The following PKHD1 variants were observed in gnomAD, a reference collection of about 807,000 sequenced individuals.
PKHD1 encodes fibrocystin.
Under a neutral mutation model 412.0 loss-of-function variants are expected in PKHD1, and 291 were observed. The observed-to-expected ratio is 0.71, with a 90% CI of 0.64 to 0.78. The LOEUF is 0.78. Among genes scored for constraint, PKHD1 ranks in the 30% least tolerant of loss-of-function variants. The probability of loss-of-function intolerance (pLI) is 0.00; values close to 1 mark genes in which losing one functional copy is unlikely to be tolerated. For missense variants in PKHD1, 4,825 were observed against 4,950.7 expected (o/e 0.97, Z 0.76); for synonymous variants, 1,777 against 1,821.5 (o/e 0.98, Z 0.62).
chr6:51,775,849 C>G lies in PKHD1; in HGVS notation c.8513G>C (p.Cys2838Ser). ...ILLRASEGVF[C>S]DRMNGIHIDP... ...AATATGAATTCCATTCATACGGTCACAAAAGACTCCCTCTGAGGCTCTAAG... is the reference window on the plus strand; with the variant it reads ...AATATGAATTCCATTCATACGGTCAGAAAAGACTCCCTCTGAGGCTCTAAG... Residue 2838 changes from cysteine (C) to serine (S), a missense_variant, in exon 54 of 67, where the codon TGT (cysteine) becomes TCT (serine). Cys to Ser is a moderately radical substitution (Grantham distance 112). Transcript: ENST00000371117. The G allele has an allele frequency of 6.3e-7, 1 of 1,597,890 alleles. No homozygotes were observed.
At chr6:51,628,173 C>T (rs985221780) in intron 65 of PKHD1, among the ~76,000 whole-genome samples, 7 of 152,064 alleles carry the variant, frequency 4.6e-5, no homozygotes, top group Admixed American at 3.9e-4. Context: ...GATTTCATCA[C>T]CCAAGTAGTG....
intron 60 of PKHD1, among the ~76,000 whole-genome samples, chr6:51,715,554 C>T (rs559628374): frequency 1.4e-3 from 216 of 152,268 alleles, no homozygotes; most frequent in South Asian, 5.4e-3. Context: ...ATGAAACACA[C>T]ACTAGAGCCT....
intron 60 of PKHD1, among the ~76,000 whole-genome samples, chr6:51,736,452 T>TC (rs893440562): frequency 6.6e-6 from 1 of 151,792 alleles, no homozygotes; most frequent in Non-Finnish European, 1.5e-5. Context: ...AGAAGCCGTA[T>TC]CCCCCCCTGC....
intron 52 of PKHD1, among the ~76,000 whole-genome samples, chr6:51,800,427 T>G (rs908456998): frequency 1.3e-5 from 2 of 152,190 alleles, no homozygotes; most frequent in African/African-American, 4.8e-5. Flanking sequence ...TAGAAATGCA[T>G]TAACTAGCCT....
chr6:51,921,265 G>A (rs566148888), intron 37 of PKHD1, among the ~76,000 whole-genome samples: 15 of 152,084 alleles, frequency 9.9e-5, no homozygotes, highest in East Asian at 5.8e-4. Context: ...CAATTAGTGC[G>A]ATAAATTATA....
intron 46 of PKHD1, among the ~76,000 whole-genome samples, chr6:51,881,094 T>C (rs1431327463): frequency 7.6e-4 from 94 of 123,482 alleles, no homozygotes; most frequent in Non-Finnish European, 1.2e-3. Context: ...TTTTTTTTTC[T>C]TTTTTTGGAA....
At chr6:51,720,985 GT>G in intron 60 of PKHD1, 1 of 983,884 alleles carries the variant, frequency 1.0e-6, no homozygotes, top group Non-Finnish European at 1.2e-6. Flanking sequence ...GGCAGCAAAG[GT>G]AGCAATTTTA....
At chr6:51,667,595 G>A (rs1434588591) in intron 60 of PKHD1, among the ~76,000 whole-genome samples, 2 of 152,030 alleles carry the variant, frequency 1.3e-5, no homozygotes, top group South Asian at 2.1e-4. Context: ...ATTGCTTTTG[G>A]TGTTTTAGAC....
chr6:51,790,305 T>C (rs1793542067), intron 53 of PKHD1, among the ~76,000 whole-genome samples: 1 of 152,202 alleles, frequency 6.6e-6, no homozygotes, highest in Non-Finnish European at 1.5e-5. Flanking sequence ...TTTATACCTA[T>C]TGCTTACAAC....
Position 52,070,465 on chromosome 6 carries a change from A to T in PKHD1, c.668-20T>A. 1 of 1,599,152 alleles carries T rather than the reference A, an allele frequency of 6.3e-7. No individual in the cohort carries two copies. The highest frequency in any genetic ancestry group is 2.2e-5 in the East Asian group (1 of 44,770). ...GGGAGCCTGTAACACAAAGAAACACACATTAACTCAGGAATCTGCACGAGT... is the reference window on the plus strand; with the variant it reads ...GGGAGCCTGTAACACAAAGAAACACTCATTAACTCAGGAATCTGCACGAGT... On this transcript the variant is annotated intron_variant, in intron 9 of 66. Coordinates refer to ENST00000371117, the MANE Select transcript of PKHD1 (RefSeq NM_138694.4).
chr6:51,668,874 C>G, intron 60 of PKHD1, among the ~76,000 whole-genome samples: 1 of 152,190 alleles, frequency 6.6e-6, no homozygotes, highest in Non-Finnish European at 1.5e-5. Context: ...ATTGAACCAG[C>G]CTTGCATCCC....
At chr6:51,691,700 A>G (rs1778174798) in intron 60 of PKHD1, among the ~76,000 whole-genome samples, 2 of 152,140 alleles carry the variant, frequency 1.3e-5, no homozygotes, top group South Asian at 4.1e-4. Flanking sequence ...AAAATAACCA[A>G]TGAGTACTAG....
chr6:51,852,474 T>C (rs201218475), intron 49 of PKHD1, among the ~76,000 whole-genome samples: 4 of 152,176 alleles, frequency 2.6e-5, no homozygotes, highest in East Asian at 1.9e-4. Flanking sequence ...TTCTGTCTCA[T>C]TGATCTGTCT....
Position 51,754,828 on chromosome 6 carries a change from C to T in PKHD1, c.8753G>A (p.Gly2918Asp), listed in dbSNP as rs369668483. 6.2e-7 allele frequency: 1 copy of T among 1,613,548 alleles called. No homozygotes were observed. The highest frequency in any genetic ancestry group is 8.5e-7 in the Non-Finnish European group (1 of 1,179,566). Residue 2918 changes from glycine (G) to aspartate (D), a missense_variant, in exon 56 of 67, where the codon GGC becomes GAC. Physicochemically the swap from Gly to Asp is moderately conservative, Grantham distance 94. Coordinates refer to ENST00000371117, the MANE Select transcript of PKHD1 (RefSeq NM_138694.4). Reference protein sequence around the residue: ...AEVLTVKEVKGHHVRIYERLK... With the variant: ...AEVLTVKEVKDHHVRIYERLK... ...CCGTTCATAGATCCTCACATGGTGGCCCTTGACTTCTTTCACAGTGAGGAC... is the reference window on the plus strand; with the variant it reads ...CCGTTCATAGATCCTCACATGGTGGTCCTTGACTTCTTTCACAGTGAGGAC...
Position 52,041,879 on chromosome 6 carries a change from G to A in PKHD1, c.3097+980C>T, listed in dbSNP as rs368777714. Among the ~76,000 whole-genome samples the A allele has an allele frequency of 1.4e-4, 21 of 152,308 alleles. 1 individual carries two copies. Among genetic ancestry groups the A allele is most frequent in the African/African-American group, 4.8e-4 (20 of 41,558 alleles). The stretch of plus-strand genomic sequence containing the variant: ...CCAACCTACCTGTGCAAAGCACTTT[G>A]TCTAGGGGAAACAAAAATGACTGAG... On this transcript the variant is annotated intron_variant, in intron 27 of 66. Transcript: ENST00000371117.
intron 52 of PKHD1, among the ~76,000 whole-genome samples, chr6:51,807,723 T>C (rs1764065991): frequency 1.3e-5 from 2 of 152,044 alleles, no homozygotes; most frequent in African/African-American, 4.8e-5. Context: ...GCATGTATTT[T>C]ACATATGGAG....
chr6:51,982,411 G>A (rs1472128069), intron 35 of PKHD1, among the ~76,000 whole-genome samples: 89 of 135,310 alleles, frequency 6.6e-4, no homozygotes, highest in African/African-American at 2.1e-3. Flanking sequence ...GATGGTTGCC[G>A]GGTTTGTGTG....
At chr6:51,807,458 A>AATATAT (rs1216445909) in intron 52 of PKHD1, among the ~76,000 whole-genome samples, 3 of 49,676 alleles carry the variant, frequency 6.0e-5, no homozygotes, top group African/African-American at 1.8e-4. Flanking sequence ...AAAAAAAAAA[A>AATATAT]ATATATATAT....
At chr6:51,990,267 G>A (rs987413346) in intron 35 of PKHD1, among the ~76,000 whole-genome samples, 1 of 151,948 alleles carries the variant, frequency 6.6e-6, no homozygotes, top group African/African-American at 2.4e-5. Flanking sequence ...GACACGAGCT[G>A]GGGTCAACCA....
Sources: allele counts gnomAD v4.1 joint callset (sites outside exome capture counted in the v4.1 genomes callset), GRCh38; gene constraint gnomAD v4.1.1; transcripts MANE v1.5; gene names NCBI Gene and HGNC (gene_info 2026-07-23, HGNC 2026-07-21).